PALS1: variants seen among roughly 807,000 people sequenced by gnomAD.
The protein encoded by PALS1 is protein associated with LIN7 1, MAGUK p55 family member, also known as protein PALS1.
A neutral mutation model predicts 78.9 loss-of-function variants in PALS1; 31 were observed. The observed-to-expected ratio is 0.39, with a 90% CI of 0.30 to 0.53. The LOEUF (loss-of-function observed/expected upper bound fraction) is 0.53. PALS1 is among the 20% of genes least tolerant of loss of function. The pLI is 0.67. For synonymous variants in PALS1, 276 were observed against 270.9 expected (o/e 1.02, Z -0.18); for missense variants, 704 against 826.5 (o/e 0.85, Z 1.82).
chr14:67,280,841 TTCCTTCCTTCCTTCCCTCCCTCCC>T (rs2084593924), intron 3 of PALS1, among the ~76,000 whole-genome samples: 3 of 129,988 alleles, frequency 2.3e-5, no homozygotes, highest in South Asian at 4.8e-4. Context: ...CCTTCCTTCC[TTCCTTCCTTCCTTCCCTCCCTCCC>T]TCCCTCCCTC....
At chr14:67,252,329 A>G (rs769919056) in intron 1 of PALS1, among the ~76,000 whole-genome samples, 7 of 151,870 alleles carry the variant, frequency 4.6e-5, no homozygotes, top group Non-Finnish European at 1.0e-4. Context: ...TTTTATTTTT[A>G]TTTTTTGTAG....
chr14:67,316,081 G>GA (rs531066671), intron 9 of PALS1, among the ~76,000 whole-genome samples: 1 of 152,026 alleles, frequency 6.6e-6, no homozygotes, highest in South Asian at 2.1e-4. Context: ...GCTTTACACT[G>GA]AAAAAAAGTA....
intron 3 of PALS1, among the ~76,000 whole-genome samples, chr14:67,286,952 T>C (rs569538328): frequency 1.3e-5 from 2 of 151,966 alleles, no homozygotes; most frequent in East Asian, 3.9e-4. Flanking sequence ...GCGTGGTGGC[T>C]CACGCCTGTA....
intron 1 of PALS1, among the ~76,000 whole-genome samples, chr14:67,262,618 C>G (rs140186258): frequency 1.8e-3 from 280 of 152,244 alleles, no homozygotes; most frequent in African/African-American, 6.5e-3. Context: ...ACATTTTACC[C>G]TAGTCAACTC....
At chr14:67,289,583 T>C (rs2084741243) in intron 3 of PALS1, among the ~76,000 whole-genome samples, 1 of 151,980 alleles carries the variant, frequency 6.6e-6, no homozygotes, top group Non-Finnish European at 1.5e-5. Context: ...CTAAAGTTGT[T>C]TTGATTTGGG....
At chr14:67,266,034 C>T (rs1347195817) in intron 1 of PALS1, among the ~76,000 whole-genome samples, 1 of 152,048 alleles carries the variant, frequency 6.6e-6, no homozygotes, top group Non-Finnish European at 1.5e-5. Flanking sequence ...TCTCAAACTC[C>T]TGGTCTCAGT....
At chr14:67,271,402 C>A (rs912233719) in intron 2 of PALS1, 2 of 152,238 alleles carry the variant, frequency 1.3e-5, no homozygotes, top group African/African-American at 2.4e-5. Context: ...GTTTGGCCTT[C>A]TGCTGGGCAA....
chr14:67,305,265 A>G (rs917635308), intron 8 of PALS1, among the ~76,000 whole-genome samples: 14 of 152,178 alleles, frequency 9.2e-5, no homozygotes, highest in Non-Finnish European at 1.6e-4. Flanking sequence ...TCTTTTGAGA[A>G]TAAATGTCAG....
chr14:67,250,630 A>G (rs2084051108), intron 1 of PALS1, among the ~76,000 whole-genome samples: 1 of 152,254 alleles, frequency 6.6e-6, no homozygotes. Context: ...ATTCATGGAA[A>G]TAAAGTCATG....
chr14:67,252,007 G>A (rs969666373), intron 1 of PALS1, among the ~76,000 whole-genome samples: 17 of 152,060 alleles, frequency 1.1e-4, no homozygotes, highest in Non-Finnish European at 1.9e-4. Flanking sequence ...ATATTTCAAG[G>A]TGCTGGGAGG....
chr14:67,300,485 G>A (rs2084916070), intron 4 of PALS1, among the ~76,000 whole-genome samples: 2 of 152,050 alleles, frequency 1.3e-5, no homozygotes, highest in Admixed American at 6.6e-5. Context: ...ACGCCACCAC[G>A]CCTGGCTAAT....
intron 1 of PALS1, among the ~76,000 whole-genome samples, chr14:67,245,627 C>T (rs76802766): frequency 0.024 from 3,645 of 152,114 alleles, 70 homozygotes; most frequent in Non-Finnish European, 0.036. Context: ...GGTGGGATAA[C>T]ACGCATGAGC....
In PALS1 at chr14:67,292,698, C is replaced by A; in HGVS notation, c.555C>A (p.Asn185Lys). The A allele has an allele frequency of 6.2e-7, 1 of 1,613,450 alleles. No homozygotes were observed. Among genetic ancestry groups the A allele is most frequent in the Non-Finnish European group, 8.5e-7 (1 of 1,179,578 alleles). The change falls in exon 4 of 15, where the codon AAC becomes AAA. Residue 185 changes from asparagine to lysine, a missense_variant. Physicochemically the swap from Asn to Lys is moderately conservative, Grantham distance 94. Coordinates refer to ENST00000261681, the MANE Select transcript of PALS1 (RefSeq NM_022474.4). ...GTCCTCCATTTCCTCTTATCTCCAA[C>A]GCACAAGATCTTGCTCAAGAGGTAT... ...KASPPFPLISNAQDLAQEVQT... is the reference protein window; with the variant it reads ...KASPPFPLISKAQDLAQEVQT...
chr14:67,272,814 A>T (rs1210675270), intron 2 of PALS1, among the ~76,000 whole-genome samples: 1 of 152,088 alleles, frequency 6.6e-6, no homozygotes, highest in Admixed American at 6.6e-5. Flanking sequence ...ACAAGCCACC[A>T]TGGCTGGATA....
chr14:67,272,357 A>G (rs2084422292), intron 2 of PALS1, among the ~76,000 whole-genome samples: 1 of 151,808 alleles, frequency 6.6e-6, no homozygotes, highest in Admixed American at 6.6e-5. Context: ...TTATTTCTCC[A>G]TCTTGTCTTT....
rs762912102 is a variant in PALS1 at position 67,312,752 on chromosome 14, CATTGAA to C, written c.1225+44_1225+49del. The C allele has an allele frequency of 2.9e-6, 4 of 1,372,428 alleles. No individual in the cohort carries two copies. In the South Asian group the frequency reaches 5.7e-5, roughly 19 times the overall value. The allele number at this position is 1,372,428 out of a possible 1,614,324, so 85.0% of individuals were successfully genotyped here. A position where few individuals can be genotyped will look rare whatever the true frequency, so the allele number is the denominator to read the frequency against. ...TAGAAAGTACATAATATTAAAAGAACATTGAAAATGCAAGCCTTCACAAAGAAAAAC... is the reference window on the plus strand; with the variant it reads ...TAGAAAGTACATAATATTAAAAGAACAATGCAAGCCTTCACAAAGAAAAAC... On this transcript the variant is annotated intron_variant, in intron 9 of 14. Coordinates refer to ENST00000261681, the MANE Select transcript of PALS1 (RefSeq NM_022474.4).
At chr14:67,284,103 C>A (rs1258086942) in intron 3 of PALS1, among the ~76,000 whole-genome samples, 1 of 152,132 alleles carries the variant, frequency 6.6e-6, no homozygotes, top group African/African-American at 2.4e-5. Flanking sequence ...GTAAATGGCA[C>A]ACTACAGGTT....
intron 1 of PALS1, among the ~76,000 whole-genome samples, chr14:67,246,232 C>T (rs2083986223): frequency 6.6e-6 from 1 of 151,448 alleles, no homozygotes; most frequent in Non-Finnish European, 1.5e-5. Flanking sequence ...GCCTTGGCCT[C>T]CCAGGTTCAA....
chr14:67,292,793 T>C (rs1282145471), intron 4 of PALS1, 74 bp downstream of exon 4: 2 of 1,118,782 alleles, frequency 1.8e-6, no homozygotes. Flanking sequence ...TATTGGAAAA[T>C]ACTAATGTGA....
Sources: allele counts gnomAD v4.1 joint callset (sites outside exome capture counted in the v4.1 genomes callset), GRCh38; gene constraint gnomAD v4.1.1; transcripts MANE v1.5; gene names NCBI Gene and HGNC (gene_info 2026-07-23, HGNC 2026-07-21).